ADAMTSL1: variants seen among roughly 807,000 people sequenced by gnomAD.
ADAMTSL1 encodes ADAMTS like 1, also known as ADAMTS-like protein 1.
In ADAMTSL1, 126 loss-of-function variants were observed where a neutral mutation model predicts 201.8. The observed-to-expected ratio is 0.62, with a 90% CI of 0.54 to 0.72. The LOEUF (loss-of-function observed/expected upper bound fraction) is 0.72, where lower values mean the gene tolerates loss of function less well. Among genes scored for constraint, ADAMTSL1 ranks in the 30% least tolerant of loss-of-function variants. The pLI is 0.00. For synonymous variants in ADAMTSL1, 1,121 were observed against 903.4 expected, an observed-to-expected ratio of 1.24 and a Z score of -4.32; for missense variants, 2,679 against 2,277.8, an observed-to-expected ratio of 1.18 and a Z score of -3.59.
intron 9 of ADAMTSL1, among the ~76,000 whole-genome samples, chr9:18,664,484 A>G (rs1483875077): frequency 6.6e-6 from 1 of 152,120 alleles, no homozygotes; most frequent in Non-Finnish European, 1.5e-5. Context: ...CCCAAAAGGG[A>G]AAACCAACGT....
chr9:18,428,433 A>C (rs1819327075), intron 2 of ADAMTSL1, among the ~76,000 whole-genome samples: 3 of 41,424 alleles, frequency 7.2e-5, no homozygotes, highest in African/African-American at 1.1e-4. Flanking sequence ...CCCTATGTCT[A>C]CAAAAAAAAA....
chr9:18,881,745 T>A lies in ADAMTSL1; in HGVS notation c.4250-6086T>A, dbSNP rs7855012. On this transcript the variant is annotated intron_variant, in intron 23 of 28. Coordinates refer to ENST00000380548, the MANE Select transcript of ADAMTSL1 (RefSeq NM_001040272.6). ...CAAATGCAGGATCCATGAAGTGCAA[T>A]AAAGCAAAGTACAATAAAGTGAGGT... is the stretch of plus-strand genomic sequence containing the variant. Among the ~76,000 whole-genome samples the A allele has an allele frequency of 9.9e-3, 1,507 of 152,246 alleles. 33 individuals are homozygous for A. The highest frequency in any genetic ancestry group is 0.034 in the African/African-American group (1,427 of 41,550).
In ADAMTSL1 at chr9:18,524,064, C is replaced by T. The variant is rs1157037641; in HGVS notation, c.192-9183C>T. On this transcript the variant is annotated intron_variant, in intron 2 of 28. Transcript: ENST00000380548. ...GCCATTTTCACGATATTGATTCTTC[C>T]TACCCATGAGCATGGAATGTTCTTC... Among the ~76,000 whole-genome samples, 40 of 150,146 alleles carry T rather than the reference C, an allele frequency of 2.7e-4. No homozygotes were observed. The East Asian group carries it at 6.3e-3, about 24-fold the overall frequency.
chr9:18,776,133 A>G (rs1227599079), intron 18 of ADAMTSL1, among the ~76,000 whole-genome samples: 1 of 152,138 alleles, frequency 6.6e-6, no homozygotes, highest in South Asian at 2.1e-4. Context: ...GGGTAGAGCA[A>G]AGTTCACTTG....
At chr9:18,526,326 G>A (rs1237193694) in intron 2 of ADAMTSL1, among the ~76,000 whole-genome samples, 1 of 152,182 alleles carries the variant, frequency 6.6e-6, no homozygotes, top group African/African-American at 2.4e-5. Flanking sequence ...TTGAGCCTAT[G>A]TGTGTCTCTG....
intron 2 of ADAMTSL1, among the ~76,000 whole-genome samples, chr9:18,350,461 A>G (rs1319101740): frequency 6.6e-6 from 1 of 152,134 alleles, no homozygotes; most frequent in Non-Finnish European, 1.5e-5. Context: ...GTTTGAGATA[A>G]TTGTGAAGGT....
chr9:18,153,276 T>A (rs1279764941), intron 1 of ADAMTSL1, among the ~76,000 whole-genome samples: 3 of 152,050 alleles, frequency 2.0e-5, no homozygotes, highest in Admixed American at 1.3e-4. Context: ...AATCTACATT[T>A]TAATCTATAC....
chr9:18,357,555 T>G (rs924057598), intron 2 of ADAMTSL1, among the ~76,000 whole-genome samples: 13 of 152,102 alleles, frequency 8.5e-5, no homozygotes, highest in South Asian at 2.1e-4. Context: ...GCTTAAGCAT[T>G]GCTAGATTTT....
intron 1 of ADAMTSL1, among the ~76,000 whole-genome samples, chr9:17,922,884 C>T (rs1391615835): frequency 6.6e-6 from 1 of 152,184 alleles, no homozygotes; most frequent in Non-Finnish European, 1.5e-5. Context: ...AGCTCTCAGT[C>T]ACTCTGCAGC....
intron 2 of ADAMTSL1, among the ~76,000 whole-genome samples, chr9:18,229,687 C>T (rs186893203): frequency 1.1e-4 from 17 of 151,628 alleles, no homozygotes; most frequent in South Asian, 4.2e-4. Context: ...CGTATTTTCT[C>T]GTTCAACCAA....
chr9:18,150,609 G>T (rs1052276792), intron 1 of ADAMTSL1, among the ~76,000 whole-genome samples: 3 of 151,996 alleles, frequency 2.0e-5, no homozygotes, highest in Admixed American at 1.3e-4. Flanking sequence ...ATGTGGAGAA[G>T]AGGCTTGCTC....
intron 1 of ADAMTSL1, among the ~76,000 whole-genome samples, chr9:18,066,599 A>C (rs1180645170): frequency 6.6e-6 from 1 of 152,216 alleles, no homozygotes; most frequent in Non-Finnish European, 1.5e-5. Flanking sequence ...TCATTTAGGT[A>C]TGTTGTTGAA....
chr9:18,865,636 A>G (rs939581335), intron 23 of ADAMTSL1, among the ~76,000 whole-genome samples: 8 of 152,190 alleles, frequency 5.3e-5, no homozygotes, highest in Non-Finnish European at 1.0e-4. Flanking sequence ...GGGAGAGGAA[A>G]TCTTACACAT....
At chr9:18,451,957 C>A (rs558336168) in intron 2 of ADAMTSL1, among the ~76,000 whole-genome samples, 1 of 152,220 alleles carries the variant, frequency 6.6e-6, no homozygotes. Flanking sequence ...GTTTCCCAGG[C>A]TGGTGTGCAA....
At chr9:18,358,440 G>A (rs960181525) in intron 2 of ADAMTSL1, among the ~76,000 whole-genome samples, 4 of 151,970 alleles carry the variant, frequency 2.6e-5, no homozygotes, top group African/African-American at 9.7e-5. Context: ...CGATATTCAC[G>A]ATGTTGTGCA....
chr9:18,130,936 G>T (rs1199709062), intron 1 of ADAMTSL1, among the ~76,000 whole-genome samples: 1 of 152,020 alleles, frequency 6.6e-6, no homozygotes. Flanking sequence ...CCTGACTAGT[G>T]GTTTTACTCA....
At chr9:18,589,075 C>T (rs1219019030) in intron 4 of ADAMTSL1, among the ~76,000 whole-genome samples, 1 of 151,692 alleles carries the variant, frequency 6.6e-6, no homozygotes, top group Admixed American at 6.6e-5. Flanking sequence ...TGGGGTTTTG[C>T]CATGTTGGCC....
intron 15 of ADAMTSL1, among the ~76,000 whole-genome samples, chr9:18,735,748 CTTTT>C (rs71333066): frequency 9.4e-6 from 1 of 106,680 alleles, no homozygotes. Flanking sequence ...ATTCTTTTTT[CTTTT>C]TTTTTTTTTT....
At chr9:18,423,487 G>C (rs1819056363) in intron 2 of ADAMTSL1, among the ~76,000 whole-genome samples, 2 of 152,318 alleles carry the variant, frequency 1.3e-5, no homozygotes, top group South Asian at 4.1e-4. Flanking sequence ...TATTTTTTGA[G>C]AGAGAAGTCA....
Sources: allele counts gnomAD v4.1 joint callset (sites outside exome capture counted in the v4.1 genomes callset), GRCh38; gene constraint gnomAD v4.1.1; transcripts MANE v1.5; gene names NCBI Gene and HGNC (gene_info 2026-07-23, HGNC 2026-07-21).